Variants in CLIP1 observed in about 807,000 individuals in gnomAD.
The protein encoded by CLIP1 is CAP-Gly domain containing linker protein 1.
Under a neutral mutation model 161.6 loss-of-function variants are expected in CLIP1, and 66 were observed. The ratio of observed to expected loss-of-function variants is 0.41; its 90% CI spans 0.33 to 0.50. The LOEUF (loss-of-function observed/expected upper bound fraction) is 0.50, where lower values mean the gene tolerates loss of function less well. Ranked by LOEUF, CLIP1 falls within the 20% of genes least tolerant of loss-of-function variation. CLIP1 has a pLI of 0.27. For missense variants in CLIP1, 1,376 were observed against 1,702.0 expected (o/e 0.81, Z 3.37); for synonymous variants, 598 against 626.2 (o/e 0.96, Z 0.67).
Position 122,377,501 on chromosome 12 carries a change from G to T in CLIP1, c.545C>A (p.Thr182Lys), listed in dbSNP as rs199567350. The stretch of plus-strand genomic sequence containing the variant: ...TTTTGTAAGGTTGCTGATCGGAGGC[G>T]TAGCTGAAGGTTCCTTTGCTGCTGG... The part of the protein sequence containing the change: ...SQPAAKEPSA[T>K]PPISNLTKTA... Residue 182 changes from threonine (T) to lysine (K), a missense_variant, in exon 3 of 26, where the codon ACG becomes AAG. Around this residue, in one of 6 missense-constraint regions of CLIP1, gnomAD observed 119 missense variants for 112.0 expected, o/e 1.06. Transcript: ENST00000620786. 1 of 1,614,104 alleles carries T rather than the reference G, an allele frequency of 6.2e-7. No individual in the cohort carries two copies. The highest frequency in any genetic ancestry group is 2.2e-5 in the East Asian group (1 of 44,872).
At chr12:122,369,314 G>A (rs182505028) in intron 3 of CLIP1, among the ~76,000 whole-genome samples, 4 of 152,074 alleles carry the variant, frequency 2.6e-5, no homozygotes, top group Non-Finnish European at 4.4e-5. Context: ...GAGCCACCAC[G>A]TCTGGCCACT....
At chr12:122,374,534 C>T (rs1283058621) in intron 3 of CLIP1, among the ~76,000 whole-genome samples, 2 of 151,172 alleles carry the variant, frequency 1.3e-5, no homozygotes, top group African/African-American at 4.9e-5. Context: ...GAGGCCGAGT[C>T]GGGTGGATCA....
intron 6 of CLIP1, 118 bp from the exon 7 acceptor site, chr12:122,354,674 T>C (rs1275744591): frequency 7.1e-6 from 5 of 706,038 alleles, no homozygotes; most frequent in African/African-American, 3.6e-5. Flanking sequence ...TAAAACCTTA[T>C]GTTAAAAAGC....
chr12:122,365,674 A>T, intron 3 of CLIP1: 1 of 567,258 alleles, frequency 1.8e-6, no homozygotes, highest in South Asian at 1.9e-5. Context: ...CCTCTGGGCT[A>T]TTTAAAAAAA....
intron 1 of CLIP1, among the ~76,000 whole-genome samples, chr12:122,382,660 C>T (rs7136074): frequency 0.018 from 2,773 of 151,938 alleles, 52 homozygotes; most frequent in African/African-American, 0.044. Context: ...GAGCCGAGAT[C>T]GTGCACTGCA....
chr12:122,281,925 A>T (rs1187504641), intron 21 of CLIP1, among the ~76,000 whole-genome samples: 1 of 152,198 alleles, frequency 6.6e-6, no homozygotes, highest in East Asian at 1.9e-4. Flanking sequence ...CTATTTGGCC[A>T]AGATCCCACA....
chr12:122,312,739 A>C (rs1951104475), intron 19 of CLIP1, among the ~76,000 whole-genome samples: 1 of 152,102 alleles, frequency 6.6e-6, no homozygotes, highest in African/African-American at 2.4e-5. Context: ...TACTCTAGCT[A>C]GGGCAACAGA....
At chr12:122,357,786 G>A (rs1382247915) in intron 5 of CLIP1, among the ~76,000 whole-genome samples, 3 of 148,412 alleles carry the variant, frequency 2.0e-5, no homozygotes, top group Admixed American at 6.7e-5. Flanking sequence ...CCCTCTGCCC[G>A]GCTAGCCGCC....
chr12:122,278,061 A>G, intron 24 of CLIP1, 93 bp downstream of exon 24: 1 of 1,132,904 alleles, frequency 8.8e-7, no homozygotes, highest in South Asian at 1.3e-5. Context: ...ACTAAATGAT[A>G]CAAAAGGCAT....
At chr12:122,420,114 G>A (rs908004218) in intron 1 of CLIP1, among the ~76,000 whole-genome samples, 8 of 151,876 alleles carry the variant, frequency 5.3e-5, no homozygotes, top group African/African-American at 1.9e-4. Context: ...GGCTGAGGCA[G>A]GCGGATCACC....
chr12:122,312,246 C>T (rs970110431), intron 19 of CLIP1, among the ~76,000 whole-genome samples: 1 of 152,068 alleles, frequency 6.6e-6, no homozygotes, highest in Non-Finnish European at 1.5e-5. Flanking sequence ...TTAGTAAAGA[C>T]AAAAATTAGA....
intron 1 of CLIP1, among the ~76,000 whole-genome samples, chr12:122,389,758 C>CAAAAAAAAAAAAAAAAAAAAAAAAAAAA (rs57168188): frequency 2.9e-5 from 2 of 69,316 alleles, no homozygotes; most frequent in East Asian, 5.8e-4. Context: ...GATCCTGTCT[C>CAAAAAAAAAAAAAAAAAAAAAAAAAAAA]AAAAAAAAAA....
At chr12:122,315,914 T>C (rs55797965) in intron 19 of CLIP1, among the ~76,000 whole-genome samples, 5,069 of 151,698 alleles carry the variant, frequency 0.033, 118 homozygotes, top group Middle Eastern at 0.079. Flanking sequence ...GTGCTGGGAT[T>C]ACAGGCATGA....
Position 122,377,369 on chromosome 12 carries a change from C to G in CLIP1, c.657+20G>C. 2.5e-6 allele frequency: 4 copies of G among 1,592,122 alleles called. No individual in the cohort carries two copies. The highest frequency in any genetic ancestry group is 3.4e-6 in the Non-Finnish European group (4 of 1,165,402). On this transcript the variant is annotated intron_variant, in intron 3 of 25. Coordinates refer to ENST00000620786, the MANE Select transcript of CLIP1 (RefSeq NM_001247997.2). ...ATATCTCAGTTCAATGAAATGACCT[C>G]AGAATGTTTCTCTACTCACCAATAC...
chr12:122,304,983 C>T (rs898950336), intron 20 of CLIP1, among the ~76,000 whole-genome samples: 2 of 152,134 alleles, frequency 1.3e-5, no homozygotes, highest in African/African-American at 4.8e-5. Context: ...GATGCTAACC[C>T]CAATTTTTTT....
intron 21 of CLIP1, among the ~76,000 whole-genome samples, chr12:122,284,502 G>A (rs1245640186): frequency 7.9e-5 from 12 of 152,062 alleles, no homozygotes; most frequent in African/African-American, 2.7e-4. Flanking sequence ...ACAGATGCCC[G>A]CCACCGTGCC....
At chr12:122,308,256 T>A (rs960057045) in intron 20 of CLIP1, among the ~76,000 whole-genome samples, 1 of 152,216 alleles carries the variant, frequency 6.6e-6, no homozygotes, top group Admixed American at 6.5e-5. Context: ...ATGATCTCTG[T>A]AAGTTCCTCC....
intron 15 of CLIP1, among the ~76,000 whole-genome samples, chr12:122,332,249 C>T (rs1225225916): frequency 2.0e-5 from 3 of 148,394 alleles, no homozygotes; most frequent in Non-Finnish European, 3.0e-5. Flanking sequence ...GAGCTGAGAT[C>T]GCACCATTGC....
At chr12:122,335,017 T>C (rs767697449) in intron 12 of CLIP1, among the ~76,000 whole-genome samples, 1 of 152,198 alleles carries the variant, frequency 6.6e-6, no homozygotes, top group Non-Finnish European at 1.5e-5. Flanking sequence ...AGGGTGCACG[T>C]GCATGCTTCA....
Sources: gnomAD v4.1 joint callset for allele counts (sites outside exome capture counted in the v4.1 genomes callset) on GRCh38, gnomAD v4.1.1 for gene constraint, gnomAD v4.1.1 regional missense constraint, MANE v1.5 for transcripts, NCBI Gene and HGNC (gene_info 2026-07-23, HGNC 2026-07-21) for gene names.